CAPZA2: variants seen among roughly 807,000 people sequenced by gnomAD.
The protein encoded by CAPZA2 is F-actin-capping protein subunit alpha-2.
CAPZA2 carries 13 observed loss-of-function variants against 44.0 expected under a neutral mutation model. The ratio of observed to expected loss-of-function variants is 0.30; its 90% CI spans 0.19 to 0.47. CAPZA2 has a LOEUF of 0.47. CAPZA2 is among the 20% of genes least tolerant of loss of function. CAPZA2 has a pLI of 1.00. For synonymous variants in CAPZA2, 94 were observed against 108.2 expected, an observed-to-expected ratio of 0.87 and a Z score of 0.81; for missense variants, 244 against 338.6, an observed-to-expected ratio of 0.72 and a Z score of 2.19.
chr7:116,871,549 T>C (rs1216124689), intron 1 of CAPZA2, among the ~76,000 whole-genome samples: 1 of 152,162 alleles, frequency 6.6e-6, no homozygotes, highest in East Asian at 1.9e-4. Flanking sequence ...TTACTAGTGT[T>C]TGGAGCAAGG....
intron 6 of CAPZA2, 160 bp from the exon 7 acceptor site, chr7:116,910,072 AC>A (rs1791570756): frequency 1.6e-6 from 1 of 643,952 alleles, no homozygotes; most frequent in South Asian, 1.7e-5. Flanking sequence ...ACTGGACTTA[AC>A]CTTTTGATTA....
chr7:116,878,185 G>A (rs923581141), intron 1 of CAPZA2, among the ~76,000 whole-genome samples: 1 of 152,198 alleles, frequency 6.6e-6, no homozygotes, highest in Non-Finnish European at 1.5e-5. Flanking sequence ...TCTTGAATGA[G>A]GTTATGATAG....
intron 6 of CAPZA2, chr7:116,909,981 C>G (rs577413118): frequency 1.9e-4 from 85 of 456,672 alleles, no homozygotes; most frequent in African/African-American, 1.4e-3. Flanking sequence ...GTATTTTAAG[C>G]CTTAGCTTTA....
intron 4 of CAPZA2, among the ~76,000 whole-genome samples, chr7:116,903,734 G>A (rs961998977): frequency 2.0e-5 from 3 of 152,294 alleles, no homozygotes; most frequent in African/African-American, 7.2e-5. Flanking sequence ...TGTGGGCCCA[G>A]AGGCAAGGTG....
chr7:116,877,422 C>T (rs1005976341), intron 1 of CAPZA2, among the ~76,000 whole-genome samples: 3 of 152,140 alleles, frequency 2.0e-5, no homozygotes, highest in South Asian at 2.1e-4. Flanking sequence ...AGCGGGAAGA[C>T]GAGAGTTCTT....
chr7:116,900,993 T>C (rs1019807119), intron 4 of CAPZA2, among the ~76,000 whole-genome samples: 2 of 152,032 alleles, frequency 1.3e-5, no homozygotes, highest in African/African-American at 4.8e-5. Context: ...ATGGCTATTA[T>C]TAGAAAGTCA....
chr7:116,863,250 T>C (rs1318230627), intron 1 of CAPZA2, among the ~76,000 whole-genome samples: 2 of 152,186 alleles, frequency 1.3e-5, no homozygotes, highest in Non-Finnish European at 2.9e-5. Context: ...TCTCCCTCCT[T>C]CTCTCTTTCC....
chr7:116,899,274 C>T (rs770390527), intron 4 of CAPZA2, among the ~76,000 whole-genome samples: 3 of 151,728 alleles, frequency 2.0e-5, no homozygotes, highest in Non-Finnish European at 2.9e-5. Context: ...CTAAGAAAAG[C>T]CACAAAAGGT....
intron 1 of CAPZA2, among the ~76,000 whole-genome samples, chr7:116,866,446 C>T (rs868497826): frequency 3.5e-4 from 53 of 152,216 alleles, no homozygotes; most frequent in African/African-American, 1.2e-3. Context: ...GCTGGGATTA[C>T]AGGCGTGAGC....
At chr7:116,905,303 A>G (rs1053179310) in intron 5 of CAPZA2, among the ~76,000 whole-genome samples, 9 of 152,104 alleles carry the variant, frequency 5.9e-5, no homozygotes, top group African/African-American at 2.2e-4. Context: ...ATCTTTTGAA[A>G]TGCAAATCAG....
intron 1 of CAPZA2, among the ~76,000 whole-genome samples, chr7:116,867,574 T>C (rs200286133): frequency 6.9e-6 from 1 of 144,614 alleles, no homozygotes; most frequent in East Asian, 2.2e-4. Context: ...ACTAGTCCAT[T>C]TCTCTCTCTT....
rs1467342449 is a variant in CAPZA2, at chr7:116,910,281, C to G, written c.555C>G (p.Thr185=). Residue 185 remains threonine (T), a synonymous_variant, in exon 7 of 10, where the codon ACC becomes ACG. Coordinates refer to ENST00000361183, the MANE Select transcript of CAPZA2 (RefSeq NM_006136.3). ...GGAAGTTTACAATCACTCCTTCAACCACTCAAGTGGTTGGCATCTTGAAAA... is the reference window on the plus strand; with the variant it reads ...GGAAGTTTACAATCACTCCTTCAACGACTCAAGTGGTTGGCATCTTGAAAA... ...SEWKFTITPS[T]TQVVGILKIQ... The G allele has an allele frequency of 1.3e-6, 2 of 1,597,316 alleles. No homozygotes were observed. Among genetic ancestry groups the G allele is most frequent in the African/African-American group, 2.7e-5 (2 of 74,542 alleles).
intron 2 of CAPZA2, among the ~76,000 whole-genome samples, chr7:116,891,805 C>G (rs1796849961): frequency 6.6e-6 from 1 of 152,164 alleles, no homozygotes; most frequent in Non-Finnish European, 1.5e-5. Context: ...GCCACCACAC[C>G]CGGCCAGGAT....
intron 1 of CAPZA2, among the ~76,000 whole-genome samples, chr7:116,882,992 A>T (rs1244969251): frequency 6.6e-6 from 1 of 152,222 alleles, no homozygotes; most frequent in Admixed American, 6.5e-5. Flanking sequence ...GATTAGAAAT[A>T]AAATAAAACT....
At chr7:116,901,885 G>GTGTA (rs1562962071) in intron 4 of CAPZA2, among the ~76,000 whole-genome samples, 2 of 148,112 alleles carry the variant, frequency 1.4e-5, no homozygotes, top group African/African-American at 5.1e-5. Context: ...GAAGAAATGT[G>GTGTA]TGTGTGTGTG....
rs375500363 is a variant in CAPZA2, at chr7:116,901,881, A to ATATG, written c.220-2295_220-2294insATGT. Among the ~76,000 whole-genome samples, 1,094 of 140,876 alleles carry ATATG rather than the reference A, an allele frequency of 7.8e-3. 12 individuals are homozygous for ATATG. The highest frequency in any genetic ancestry group is 0.015 in the South Asian group (67 of 4,382). 92.4% of individuals were successfully genotyped at this position (140,876 alleles called of 152,430 possible). ...AAAACATGCTTGAAATAACGAAGAA[A>ATATG]TGTGTGTGTGTGTGTGTGTGTGTGT... On this transcript the variant is annotated intron_variant, in intron 4 of 9. Transcript: ENST00000361183.
intron 1 of CAPZA2, among the ~76,000 whole-genome samples, chr7:116,884,629 A>G (rs763908344): frequency 3.3e-5 from 5 of 152,114 alleles, no homozygotes; most frequent in Non-Finnish European, 7.3e-5. Flanking sequence ...GTGATATTTC[A>G]TTGTGTAGAT....
intron 1 of CAPZA2, among the ~76,000 whole-genome samples, chr7:116,868,285 C>G (rs1454085795): frequency 2.0e-5 from 3 of 152,176 alleles, no homozygotes; most frequent in Non-Finnish European, 4.4e-5. Flanking sequence ...ATAATGTCAT[C>G]TTTAGCATCT....
At chr7:116,903,706 C>T (rs970010509) in intron 4 of CAPZA2, among the ~76,000 whole-genome samples, 2 of 152,090 alleles carry the variant, frequency 1.3e-5, no homozygotes, top group African/African-American at 2.4e-5. Context: ...GAAACAGATA[C>T]GTCAAAGTAG....
Sources: allele counts gnomAD v4.1 joint callset (sites outside exome capture counted in the v4.1 genomes callset), GRCh38; gene constraint gnomAD v4.1.1; transcripts MANE v1.5; gene names NCBI Gene and HGNC (gene_info 2026-07-23, HGNC 2026-07-21).